Variants in GMPS observed in about 807,000 individuals in gnomAD.
GMPS encodes the protein guanosine monophosphate synthase, also known as GMP synthase [glutamine-hydrolyzing].
GMPS carries 15 observed loss-of-function variants against 77.9 expected under a neutral mutation model. That is an observed-to-expected ratio of 0.19 (90% CI 0.13 to 0.30). The LOEUF is 0.30. Among genes scored for constraint, GMPS ranks in the 10% least tolerant of loss-of-function variants. The pLI, the probability that GMPS is intolerant of heterozygous loss-of-function variation, is 1.00. For synonymous variants in GMPS, 224 were observed against 275.9 expected (o/e 0.81, Z 1.86); for missense variants, 590 against 838.8 (o/e 0.70, Z 3.66).
At chr3:155,906,436 A>G (rs1754884354) in intron 5 of GMPS, among the ~76,000 whole-genome samples, 173 bp downstream of exon 5, 1 of 152,158 alleles carries the variant, frequency 6.6e-6, no homozygotes, top group Non-Finnish European at 1.5e-5. Context: ...GAATTTAATA[A>G]TAGGAGGATT....
chr3:155,938,988 A>G lies in GMPS; in HGVS notation c.*1296A>G, dbSNP rs1755827190. ...TTGTCTAGTTTAAAAGGTCAGATCT[A>G]TTAATCAGGAATGAAATTTTATTTG... is the stretch of plus-strand genomic sequence containing the variant. On this transcript the variant is annotated 3_prime_UTR_variant, in exon 16 of 16. Transcript: ENST00000496455. The G allele has an allele frequency of 4.6e-6, 1 of 218,520 alleles. No individual in the cohort carries two copies. The highest frequency in any genetic ancestry group is 9.2e-6 in the Non-Finnish European group (1 of 108,922). 13.5% of individuals were successfully genotyped at this position (218,520 alleles called of 1,614,324 possible). A position where few individuals can be genotyped will look rare whatever the true frequency, so the allele number is the denominator to read the frequency against.
intron 13 of GMPS, among the ~76,000 whole-genome samples, chr3:155,932,421 A>G (rs1426192650): frequency 2.0e-5 from 3 of 152,202 alleles, no homozygotes; most frequent in Non-Finnish European, 4.4e-5. Context: ...CATGTGCCAG[A>G]TAGCATTAAA....
chr3:155,926,927 T>C (rs1284891560), intron 12 of GMPS, among the ~76,000 whole-genome samples: 3 of 151,932 alleles, frequency 2.0e-5, no homozygotes, highest in Non-Finnish European at 2.9e-5. Context: ...GGCAGGAGAA[T>C]TGCTTGAACC....
intron 12 of GMPS, 35 bp from the exon 13 acceptor site, chr3:155,931,730 C>A: frequency 7.9e-6 from 6 of 761,394 alleles, no homozygotes; most frequent in Admixed American, 2.0e-5. Context: ...TATCTTTTGA[C>A]TATTAAAAAT....
chr3:155,888,562 C>T (rs1358913973), intron 1 of GMPS, among the ~76,000 whole-genome samples: 2 of 151,500 alleles, frequency 1.3e-5, no homozygotes, highest in Non-Finnish European at 2.9e-5. Flanking sequence ...GCTAGGACCA[C>T]AGGCACGTGC....
intron 12 of GMPS, among the ~76,000 whole-genome samples, chr3:155,928,018 A>ATT (rs1755498992): frequency 1.0e-5 from 1 of 98,164 alleles, no homozygotes; most frequent in African/African-American, 4.4e-5. Flanking sequence ...TGCATTTTAC[A>ATT]CTTTTTTTTT....
rs1163590479 is a variant in GMPS at position 155,940,005 on chromosome 3, T to G, written c.*2313T>G. 3 of 205,454 alleles carry G rather than the reference T, an allele frequency of 1.5e-5. No individual in the cohort carries two copies. Among genetic ancestry groups the G allele is most frequent in the Non-Finnish European group, 3.0e-5 (3 of 100,614 alleles). 12.7% of individuals were successfully genotyped at this position (205,454 alleles called of 1,614,324 possible). ...TTGTCCTGATGTGTATTCTGACACC[T>G]AAAATTATATAAACATTTATGGGAT... On this transcript the variant is annotated 3_prime_UTR_variant, in exon 16 of 16. Transcript: ENST00000496455.
chr3:155,932,169 A>G (rs1755639952), intron 13 of GMPS, among the ~76,000 whole-genome samples: 1 of 152,160 alleles, frequency 6.6e-6, no homozygotes, highest in African/African-American at 2.4e-5. Context: ...CAGCTGTAAA[A>G]CATCTTCTAA....
intron 3 of GMPS, among the ~76,000 whole-genome samples, chr3:155,902,175 C>T (rs982796880): frequency 2.6e-5 from 4 of 152,120 alleles, no homozygotes; most frequent in African/African-American, 9.7e-5. Context: ...GTGAAGAGAC[C>T]TGAAGACATG....
At chr3:155,883,144 T>C (rs1754249547) in intron 1 of GMPS, among the ~76,000 whole-genome samples, 1 of 152,168 alleles carries the variant, frequency 6.6e-6, no homozygotes, top group Non-Finnish European at 1.5e-5. Context: ...CTATCTCAGC[T>C]CACTGCAGCT....
At chr3:155,877,707 C>G (rs1754085266) in intron 1 of GMPS, among the ~76,000 whole-genome samples, 1 of 151,736 alleles carries the variant, frequency 6.6e-6, no homozygotes, top group Admixed American at 6.6e-5. Flanking sequence ...CTGAGAAGTT[C>G]AAAATCAAGG....
chr3:155,889,657 CA>C (rs1324166700), intron 1 of GMPS, among the ~76,000 whole-genome samples: 1 of 152,146 alleles, frequency 6.6e-6, no homozygotes, highest in Admixed American at 6.6e-5. Flanking sequence ...ATGTGGGATC[CA>C]AGAAAATCAC....
At chr3:155,897,450 A>G (rs1271279070) in intron 2 of GMPS, among the ~76,000 whole-genome samples, 4 of 152,140 alleles carry the variant, frequency 2.6e-5, no homozygotes, top group African/African-American at 9.7e-5. Context: ...AAGTTGGGTA[A>G]TGTATACTTT....
rs2108158858 is a variant in GMPS, at chr3:155,939,866, C to T, written c.*2174C>T. The stretch of plus-strand genomic sequence containing the variant: ...TACCTTCACAGTATTTCATCTGAGC[C>T]ACTGAGGAAAGTTAAAGGTTGCACT... On this transcript the variant is annotated 3_prime_UTR_variant, in exon 16 of 16. Transcript: ENST00000496455. 5.0e-6 allele frequency: 1 copy of T among 201,540 alleles called. No homozygotes were observed. The highest frequency in any genetic ancestry group is 6.0e-5 in the Admixed American group (1 of 16,704). 12.5% of individuals were successfully genotyped at this position (201,540 alleles called of 1,614,324 possible).
At chr3:155,890,683 A>G (rs955931980) in intron 1 of GMPS, among the ~76,000 whole-genome samples, 3 of 152,118 alleles carry the variant, frequency 2.0e-5, no homozygotes, top group African/African-American at 7.2e-5. Context: ...CTTTAATGTG[A>G]AGTATTTTCC....
intron 1 of GMPS, among the ~76,000 whole-genome samples, chr3:155,876,511 A>C (rs763311108): frequency 7.9e-5 from 12 of 152,246 alleles, no homozygotes; most frequent in Non-Finnish European, 1.2e-4. Flanking sequence ...TATAAGGTGA[A>C]AGTTTAACAA....
At chr3:155,871,126 G>A (rs1324763315) in intron 1 of GMPS, among the ~76,000 whole-genome samples, 1 of 152,036 alleles carries the variant, frequency 6.6e-6, no homozygotes, top group Non-Finnish European at 1.5e-5. Context: ...TCCGGGCGTC[G>A]GGGAGGGCAT....
chr3:155,914,883 C>T (rs1456686034), intron 8 of GMPS, among the ~76,000 whole-genome samples: 1 of 152,036 alleles, frequency 6.6e-6, no homozygotes, highest in Non-Finnish European at 1.5e-5. Context: ...ATTCTCCTGC[C>T]TCAGCCTCCT....
intron 9 of GMPS, among the ~76,000 whole-genome samples, chr3:155,917,597 TG>T (rs1755214468): frequency 6.6e-6 from 1 of 151,712 alleles, no homozygotes; most frequent in African/African-American, 2.4e-5. Context: ...GACTGAAAAA[TG>T]GGCCAGGCAC....
Sources: gnomAD v4.1 joint callset for allele counts (sites outside exome capture counted in the v4.1 genomes callset) on GRCh38, gnomAD v4.1.1 for gene constraint, MANE v1.5 for transcripts, NCBI Gene and HGNC (gene_info 2026-07-23, HGNC 2026-07-21) for gene names.